PRKCQ: variants seen among roughly 807,000 people sequenced by gnomAD.
PRKCQ encodes the protein protein kinase C theta.
A neutral mutation model predicts 91.2 loss-of-function variants in PRKCQ; 41 were observed. The observed-to-expected ratio is 0.45, with a 90% confidence interval of 0.35 to 0.58. PRKCQ has a LOEUF of 0.58. Ranked by LOEUF, PRKCQ falls within the 20% of genes least tolerant of loss-of-function variation. The pLI, the probability that PRKCQ is intolerant of heterozygous loss-of-function variation, is 0.00. For synonymous variants in PRKCQ, 307 were observed against 316.9 expected (o/e 0.97, Z 0.33); for missense variants, 673 against 896.5 (o/e 0.75, Z 3.18).
intron 3 of PRKCQ, among the ~76,000 whole-genome samples, chr10:6,509,804 T>C (rs1204214001): frequency 6.6e-6 from 1 of 152,206 alleles, no homozygotes; most frequent in East Asian, 1.9e-4. Context: ...TGAGCACCTT[T>C]TAAAAAAAAT....
the PRKCQ span, among the ~76,000 whole-genome samples, chr10:6,416,680 G>A: frequency 6.6e-6 from 1 of 152,174 alleles, no homozygotes; most frequent in African/African-American, 2.4e-5. Context: ...GCATACATGT[G>A]CAAATGTCTT....
At chr10:6,565,259 C>A (rs1564396687) in intron 1 of PRKCQ, among the ~76,000 whole-genome samples, 1 of 152,190 alleles carries the variant, frequency 6.6e-6, no homozygotes, top group Non-Finnish European at 1.5e-5. Flanking sequence ...TAGGTCTAGT[C>A]TATTTTTTCC....
At chr10:6,574,776 AG>A (rs1162991053) in intron 1 of PRKCQ, among the ~76,000 whole-genome samples, 1 of 152,220 alleles carries the variant, frequency 6.6e-6, no homozygotes, top group Non-Finnish European at 1.5e-5. Flanking sequence ...TGCAAGGCTT[AG>A]ACTGGACTGC....
At position 6,574,424 on chromosome 10, in the gene PRKCQ, TG is replaced by T. The variant is rs770228437; in HGVS notation, c.-10+5786del. Among the ~76,000 whole-genome samples, 6 of 152,350 alleles carry T rather than the reference TG, an allele frequency of 3.9e-5. No homozygotes were observed. In the South Asian group the frequency reaches 1.2e-3, roughly 32 times the overall value. On this transcript the variant is annotated intron_variant, in intron 1 of 17. Coordinates refer to ENST00000263125, the MANE Select transcript of PRKCQ (RefSeq NM_006257.5). ...ACGGGACAGTCTGCCCAGGACAATCTGGGTTTGTACCTGTTACCCAAGCTTA... is the reference window on the plus strand; with the variant it reads ...ACGGGACAGTCTGCCCAGGACAATCTGGTTTGTACCTGTTACCCAAGCTTA...
chr10:6,407,851 T>TATC, the PRKCQ span, among the ~76,000 whole-genome samples: 1 of 152,208 alleles, frequency 6.6e-6, no homozygotes, highest in Non-Finnish European at 1.5e-5. The surrounding 1 kb of genome is among the most constrained non-coding windows in gnomAD (Gnocchi z 4.0). Context: ...CCATATATCA[T>TATC]ATCATTTTAT....
At chr10:6,473,560 G>C (rs1836107788) in intron 12 of PRKCQ, among the ~76,000 whole-genome samples, 1 of 152,210 alleles carries the variant, frequency 6.6e-6, no homozygotes, top group African/African-American at 2.4e-5. Context: ...AAGAAAAGAG[G>C]CTTATCTGTC....
chr10:6,442,944 A>G (rs1428547002), intron 15 of PRKCQ, among the ~76,000 whole-genome samples: 1 of 152,166 alleles, frequency 6.6e-6, no homozygotes, highest in Non-Finnish European at 1.5e-5. Flanking sequence ...CTTGGGCAAC[A>G]AGAGAGAAAC....
the PRKCQ span, among the ~76,000 whole-genome samples, chr10:6,413,565 G>A: frequency 2.2e-3 from 102 of 46,880 alleles, 13 homozygotes; most frequent in African/African-American, 6.6e-3. Context: ...ACACTAGGAA[G>A]CACTGGATTA....
chr10:6,497,373 C>T lies in PRKCQ; in HGVS notation c.543-122G>A, dbSNP rs939301415. The T allele has an allele frequency of 1.1e-5, 13 of 1,149,514 alleles. No individual in the cohort carries two copies. Among genetic ancestry groups the T allele is most frequent in the Non-Finnish European group, 1.3e-5 (10 of 769,058 alleles). The allele number at this position is 1,149,514 out of a possible 1,614,324, so 71.2% of individuals were successfully genotyped here. ...TCACAGAGCAGTTTCTGATCAGCAGCCCTGTTGTATCATTTGCCAAGAGTA... is the reference window on the plus strand; with the variant it reads ...TCACAGAGCAGTTTCTGATCAGCAGTCCTGTTGTATCATTTGCCAAGAGTA... On this transcript the variant is annotated intron_variant, in intron 5 of 17. Transcript: ENST00000263125. The surrounding 1 kb of genome is among the most constrained non-coding windows in gnomAD (Gnocchi z 4.5).
rs115813184 is a variant in PRKCQ at position 6,441,432 on chromosome 10, G to A, written c.1836+461C>T. Among the ~76,000 whole-genome samples the A allele has an allele frequency of 1.8e-3, 266 of 150,846 alleles. 1 individual carries two copies. Among genetic ancestry groups the A allele is most frequent in the African/African-American group, 6.1e-3 (249 of 41,092 alleles). On this transcript the variant is annotated intron_variant, in intron 16 of 17. Transcript: ENST00000263125. ...GCTGGGATTACAGGTGTGAGCTACTGCACCCAGCCTAAATGCCCATTTTGT... is the reference window on the plus strand; with the variant it reads ...GCTGGGATTACAGGTGTGAGCTACTACACCCAGCCTAAATGCCCATTTTGT...
intron 15 of PRKCQ, among the ~76,000 whole-genome samples, chr10:6,454,323 G>A (rs527300679): frequency 6.6e-6 from 1 of 152,280 alleles, no homozygotes; most frequent in South Asian, 2.1e-4. Flanking sequence ...GTGTCACCAA[G>A]AGCCAGGCAA....
chr10:6,433,100 C>T (rs950054546), intron 16 of PRKCQ, among the ~76,000 whole-genome samples: 4 of 152,208 alleles, frequency 2.6e-5, no homozygotes, highest in African/African-American at 9.7e-5. Context: ...ATCATCCACT[C>T]CAACCAATGT....
the PRKCQ span, among the ~76,000 whole-genome samples, chr10:6,398,945 T>C: frequency 6.6e-6 from 1 of 152,050 alleles, no homozygotes; most frequent in Non-Finnish European, 1.5e-5. Context: ...TATAGAGTTT[T>C]CTGTAGGATT....
chr10:6,570,079 G>T (rs1400482463), intron 1 of PRKCQ, among the ~76,000 whole-genome samples: 2 of 152,020 alleles, frequency 1.3e-5, no homozygotes, highest in Non-Finnish European at 2.9e-5. Context: ...TGGGCAGGGG[G>T]GTCATGGGAG....
the PRKCQ span, among the ~76,000 whole-genome samples, chr10:6,415,055 T>C: frequency 6.6e-6 from 1 of 152,050 alleles, no homozygotes; most frequent in Admixed American, 6.6e-5. Flanking sequence ...CTCCGTCTCC[T>C]GGGTTCAAGC....
chr10:6,446,082 C>T (rs1266252954), intron 15 of PRKCQ, among the ~76,000 whole-genome samples: 9 of 152,240 alleles, frequency 5.9e-5, no homozygotes, highest in Non-Finnish European at 8.8e-5. Flanking sequence ...GCAGAGTGTT[C>T]GCCTCAGGAA....
chr10:6,503,193 A>G (rs147631277), intron 4 of PRKCQ, among the ~76,000 whole-genome samples: 12 of 152,346 alleles, frequency 7.9e-5, no homozygotes, highest in Non-Finnish European at 1.6e-4. Context: ...ATAGGGTAAA[A>G]GAGAAACTGG....
the PRKCQ span, among the ~76,000 whole-genome samples, chr10:6,397,649 G>T: frequency 1.3e-5 from 2 of 152,100 alleles, no homozygotes; most frequent in Non-Finnish European, 2.9e-5. Flanking sequence ...TGCTGGCTGG[G>T]TGCGGTGGCT....
chr10:6,537,066 C>A (rs1049468263), intron 1 of PRKCQ, among the ~76,000 whole-genome samples: 1 of 152,168 alleles, frequency 6.6e-6, no homozygotes, highest in East Asian at 1.9e-4. Flanking sequence ...AAAGATGGGG[C>A]GCAGTGGGGG....
Sources: gnomAD v4.1 joint callset for allele counts (sites outside exome capture counted in the v4.1 genomes callset) on GRCh38, gnomAD v4.1.1 for gene constraint, Gnocchi (gnomAD v3.1) non-coding constraint, MANE v1.5 for transcripts, NCBI Gene and HGNC (gene_info 2026-07-23, HGNC 2026-07-21) for gene names.